The following TNRC18 variants were observed in gnomAD, a reference collection of about 807,000 sequenced individuals.
TNRC18 encodes the protein trinucleotide repeat-containing gene 18 protein.
TNRC18 carries 69 observed loss-of-function variants against 226.7 expected under a neutral mutation model. The ratio of observed to expected loss-of-function variants is 0.30; its 90% CI spans 0.25 to 0.37. The LOEUF is 0.37. Ranked by LOEUF, TNRC18 falls within the 10% of genes least tolerant of loss-of-function variation. The probability of loss-of-function intolerance (pLI) is 1.00; values close to 1 mark genes in which losing one functional copy is unlikely to be tolerated. For synonymous variants in TNRC18, 2,449 were observed against 1,927.6 expected (o/e 1.27, Z -7.09); for missense variants, 4,754 against 4,256.6 (o/e 1.12, Z -3.25).
rs1409121009 is a variant in TNRC18, at chr7:5,421,377, G to A, written c.-131C>T. 8 of 896,772 alleles carry A rather than the reference G, an allele frequency of 8.9e-6. No homozygotes were observed. The highest frequency in any genetic ancestry group is 1.1e-5 in the Non-Finnish European group (8 of 700,698). The allele number at this position is 896,772 out of a possible 1,614,324, so 55.6% of individuals were successfully genotyped here. A position where few individuals can be genotyped will look rare whatever the true frequency, so the allele number is the denominator to read the frequency against. ...GGGCTCCGCGGCGTGCATGGCGGCGGCCAGCGGGGCTTGCGCTCGGCGGCG... is the reference window on the plus strand; with the variant it reads ...GGGCTCCGCGGCGTGCATGGCGGCGACCAGCGGGGCTTGCGCTCGGCGGCG... On this transcript the variant is annotated 5_prime_UTR_variant, in exon 2 of 30. Transcript: ENST00000430969.
At position 5,377,405 on chromosome 7, in the gene TNRC18, G is replaced by C; in HGVS notation, c.2427C>G (p.Gly809=). The C allele has an allele frequency of 6.6e-7, 1 of 1,506,180 alleles. No individual in the cohort carries two copies. 93.3% of individuals were successfully genotyped at this position (1,506,180 alleles called of 1,614,324 possible). ...GTCCAGCGAGCCACATGGATGCGTT[G>C]CCCGAGCGGGGCAACCAGGGGTGCG... The part of the protein sequence containing the change: ...LATHPWLPRS[G]NASMWLAGHP... Residue 809 remains glycine (G), a synonymous_variant, in exon 7 of 30, where the codon GGC becomes GGG. Transcript: ENST00000430969. This position sits in a 1 kb window ranked among gnomAD's most constrained non-coding sequence, Gnocchi z 5.8.
chr7:5,315,670 T>C (rs1399034724), intron 25 of TNRC18, among the ~76,000 whole-genome samples: 1 of 152,194 alleles, frequency 6.6e-6, no homozygotes, highest in Non-Finnish European at 1.5e-5. Context: ...GATCCGCCCA[T>C]CTTGGCCTCC....
intron 2 of TNRC18, among the ~76,000 whole-genome samples, chr7:5,396,523 G>A (rs954027087): frequency 6.6e-6 from 1 of 152,060 alleles, no homozygotes; most frequent in East Asian, 1.9e-4. Flanking sequence ...AACAAGACCT[G>A]GACTCAAAAT....
In TNRC18 at chr7:5,307,968, G is replaced by A. The variant is rs1399996378; in HGVS notation, c.*138C>T. On this transcript the variant is annotated 3_prime_UTR_variant, in exon 30 of 30. Transcript: ENST00000430969. ...CACACACACTCACCCGGGCATCCAC[G>A]TGCACACCTGGCCCCATGCACACGC... The A allele has an allele frequency of 2.4e-5, 18 of 754,080 alleles. 2 individuals are homozygous for A. The highest frequency in any genetic ancestry group is 2.3e-4 in the South Asian group (13 of 56,864). The allele number at this position is 754,080 out of a possible 1,614,324, so 46.7% of individuals were successfully genotyped here.
In TNRC18 at chr7:5,376,244, G is replaced by A. The variant is rs561776622; in HGVS notation, c.2609-20C>T. The A allele has an allele frequency of 7.5e-6, 11 of 1,458,068 alleles. No individual in the cohort carries two copies. Among genetic ancestry groups the A allele is most frequent in the South Asian group, 4.3e-5 (3 of 70,180 alleles). 90.3% of individuals were successfully genotyped at this position (1,458,068 alleles called of 1,614,324 possible). ...GCTCCGCTGCAGGGACAGAGACAGT[G>A]CGCTGCACCTGCGGCCTGATGCTCC... is the stretch of plus-strand genomic sequence containing the variant. On this transcript the variant is annotated intron_variant, in intron 8 of 29. Transcript: ENST00000430969.
intron 11 of TNRC18, among the ~76,000 whole-genome samples, chr7:5,364,462 AACACACAC>A (rs58752853): frequency 0.047 from 5,461 of 116,566 alleles, 169 homozygotes; most frequent in South Asian, 0.11. Context: ...TCTCAAAGAA[AACACACAC>A]ACACACACAC....
intron 19 of TNRC18, chr7:5,330,060 G>A (rs1789352752): frequency 2.2e-6 from 1 of 459,760 alleles, no homozygotes; most frequent in African/African-American, 2.0e-5. Context: ...AACAGACACT[G>A]TTAATGTGTG....
chr7:5,407,948 GAGA>G (rs894253206), intron 2 of TNRC18, among the ~76,000 whole-genome samples: 41 of 152,226 alleles, frequency 2.7e-4, no homozygotes, highest in Admixed American at 1.6e-3. Flanking sequence ...AAAGTAGCAA[GAGA>G]AGGAGTGTGA....
chr7:5,375,982 G>A (rs551304703), intron 9 of TNRC18, 52 bp downstream of exon 9: 67 of 1,515,930 alleles, frequency 4.4e-5, no homozygotes, highest in African/African-American at 3.6e-4. Flanking sequence ...CGTCTGCCTC[G>A]TCACCCATGG....
chr7:5,388,029 C>T lies in TNRC18; in HGVS notation c.1795G>A (p.Ala599Thr). 6.4e-7 allele frequency: 1 copy of T among 1,567,002 alleles called. No individual in the cohort carries two copies. The highest frequency in any genetic ancestry group is 8.6e-7 in the Non-Finnish European group (1 of 1,156,878). Residue 599 changes from alanine (A) to threonine (T), a missense_variant, in exon 5 of 30, where the codon GCC (alanine) becomes ACC (threonine). By Grantham distance (58) the Ala-to-Thr change is moderately conservative. Transcript: ENST00000430969. ...CAGCCACCAGGGCGCACGGCCACGG[C>T]GTCCCGGGCAAAGCTGCCACTGTAC... The part of the protein sequence containing the change: ...IKYSGSFARD[A>T]VAVRPGGCGK...
intron 3 of TNRC18, among the ~76,000 whole-genome samples, chr7:5,391,470 C>T (rs543279152): frequency 6.6e-6 from 1 of 151,894 alleles, no homozygotes; most frequent in Non-Finnish European, 1.5e-5. Context: ...TGCTACCACA[C>T]CCGGCTAATT....
At chr7:5,365,840 C>T (rs994203135) in intron 11 of TNRC18, among the ~76,000 whole-genome samples, 10 of 152,036 alleles carry the variant, frequency 6.6e-5, no homozygotes, top group Non-Finnish European at 1.3e-4. Context: ...GAGGCCGAGG[C>T]GGGCGGATCA....
chr7:5,308,080 C>G lies in TNRC18; in HGVS notation c.*26G>C. On this transcript the variant is annotated 3_prime_UTR_variant, in exon 30 of 30. Transcript: ENST00000430969. The stretch of plus-strand genomic sequence containing the variant: ...TGGGTCCCTGGCCGCCCTCGGGGCA[C>G]AGGTGGCCCGCAGGGCCCGGCGGGC... 6.5e-7 allele frequency: 1 copy of G among 1,540,006 alleles called. No individual in the cohort carries two copies. The highest frequency in any genetic ancestry group is 8.8e-7 in the Non-Finnish European group (1 of 1,139,824).
At chr7:5,363,063 G>A (rs1037962908) in intron 11 of TNRC18, among the ~76,000 whole-genome samples, 5 of 152,264 alleles carry the variant, frequency 3.3e-5, no homozygotes, top group Admixed American at 1.3e-4. Context: ...GGTGGCTGAG[G>A]CGGGCAGATC....
At position 5,377,994 on chromosome 7, in the gene TNRC18, T is replaced by C; in HGVS notation, c.2183A>G (p.Asp728Gly). 6.2e-7 allele frequency: 1 copy of C among 1,612,558 alleles called. No homozygotes were observed. The highest frequency in any genetic ancestry group is 8.5e-7 in the Non-Finnish European group (1 of 1,179,728). ...GHGRADEDCV[D>G]DRARHREERL... ...TTCCTCCCGGTGTCTGGCCCGGTCG[T>C]CCACACAGTCCTCATCTGCTCGGCC... Residue 728 changes from aspartate (D) to glycine (G), a missense_variant, in exon 6 of 30, where the codon GAC becomes GGC. By Grantham distance (94) the Asp-to-Gly change is moderately conservative. Coordinates refer to ENST00000430969, the MANE Select transcript of TNRC18 (RefSeq NM_001080495.3). This position sits in a 1 kb window ranked among gnomAD's most constrained non-coding sequence, Gnocchi z 5.8.
At chr7:5,395,013 C>T (rs1177863332) in intron 2 of TNRC18, among the ~76,000 whole-genome samples, 4 of 152,206 alleles carry the variant, frequency 2.6e-5, no homozygotes, top group Admixed American at 6.5e-5. Context: ...GGGGGACTTA[C>T]AGGCGGGGGG....
In TNRC18 at chr7:5,313,396, G is replaced by C; in HGVS notation, c.7495C>G (p.Leu2499Val). Residue 2499 changes from leucine to valine, a missense_variant, in exon 27 of 30, where the codon CTG becomes GTG. Coordinates refer to ENST00000430969, the MANE Select transcript of TNRC18 (RefSeq NM_001080495.3). ...AGGWQEPKSL[L>V]SLGSYPPAAG... ...GCGGGGGGATAGCTGCCCAGGCTCA[G>C]GAGGCTCTTGGGCTCCTGCCAGCCC... 6.3e-7 allele frequency: 1 copy of C among 1,593,898 alleles called. No individual in the cohort carries two copies. The highest frequency in any genetic ancestry group is 8.5e-7 in the Non-Finnish European group (1 of 1,171,656).
intron 9 of TNRC18, among the ~76,000 whole-genome samples, chr7:5,375,473 A>G (rs955606561): frequency 6.6e-6 from 1 of 152,238 alleles, no homozygotes; most frequent in Non-Finnish European, 1.5e-5. Context: ...AAGTAAAGGC[A>G]CTTGCCCACG....
chr7:5,330,028 C>T (rs1789349774), intron 19 of TNRC18: 1 of 470,570 alleles, frequency 2.1e-6, no homozygotes, highest in Non-Finnish European at 4.4e-6. Flanking sequence ...AGGAAAATCA[C>T]CCCACATCTC....
Sources: gnomAD v4.1 joint callset for allele counts (sites outside exome capture counted in the v4.1 genomes callset) on GRCh38, gnomAD v4.1.1 for gene constraint, Gnocchi (gnomAD v3.1) non-coding constraint, MANE v1.5 for transcripts, NCBI Gene and HGNC (gene_info 2026-07-23, HGNC 2026-07-21) for gene names.